NKAIN2: variants seen among roughly 807,000 people sequenced by gnomAD.
The protein encoded by NKAIN2 is sodium/potassium transporting ATPase interacting 2.
NKAIN2 carries 14 observed loss-of-function variants against 32.6 expected under a neutral mutation model. That is an observed-to-expected ratio of 0.43 (90% CI 0.28 to 0.67). The LOEUF (loss-of-function observed/expected upper bound fraction) is 0.67. NKAIN2 is among the 30% of genes least tolerant of loss of function. The pLI is 0.17. For synonymous variants in NKAIN2, 80 were observed against 87.2 expected (o/e 0.92, Z 0.46); for missense variants, 198 against 258.3 (o/e 0.77, Z 1.60).
At chr6:124,056,825 G>T (rs1223464474) in intron 1 of NKAIN2, among the ~76,000 whole-genome samples, 1 of 151,988 alleles carries the variant, frequency 6.6e-6, no homozygotes, top group Non-Finnish European at 1.5e-5. Context: ...TCTTCATGGA[G>T]CCAGCTTATT....
At chr6:124,712,677 C>T (rs28378816) in intron 4 of NKAIN2, among the ~76,000 whole-genome samples, 2 of 151,816 alleles carry the variant, frequency 1.3e-5, no homozygotes, top group Middle Eastern at 3.4e-3. Context: ...TGCTTCGGCT[C>T]GTGCACGGTG....
intron 4 of NKAIN2, among the ~76,000 whole-genome samples, chr6:124,697,851 T>G (rs1452182446): frequency 6.6e-6 from 1 of 152,150 alleles, no homozygotes; most frequent in Non-Finnish European, 1.5e-5. Context: ...CTCCTATATC[T>G]TACACACTGG....
chr6:124,019,475 G>A (rs1039041137), intron 1 of NKAIN2, among the ~76,000 whole-genome samples: 1 of 152,034 alleles, frequency 6.6e-6, no homozygotes, highest in African/African-American at 2.4e-5. Flanking sequence ...CTTGCTTTAA[G>A]GGTCTTTGAT....
chr6:124,037,877 A>C (rs574424118), intron 1 of NKAIN2, among the ~76,000 whole-genome samples: 1 of 152,290 alleles, frequency 6.6e-6, no homozygotes, highest in South Asian at 2.1e-4. Flanking sequence ...TAGTATAAGA[A>C]ATGGAAGTAC....
chr6:124,372,888 A>G (rs1470216208), intron 3 of NKAIN2, among the ~76,000 whole-genome samples: 1 of 152,200 alleles, frequency 6.6e-6, no homozygotes, highest in Non-Finnish European at 1.5e-5. Flanking sequence ...AAGCAATGTA[A>G]AATAACTCGT....
intron 1 of NKAIN2, among the ~76,000 whole-genome samples, chr6:124,260,092 A>G (rs990191557): frequency 6.6e-6 from 1 of 152,224 alleles, no homozygotes; most frequent in Non-Finnish European, 1.5e-5. Context: ...AGTGCCTTCC[A>G]TTATAACAAT....
chr6:124,430,719 T>C (rs899210038), intron 3 of NKAIN2, among the ~76,000 whole-genome samples: 1 of 152,094 alleles, frequency 6.6e-6, no homozygotes, highest in East Asian at 1.9e-4. Flanking sequence ...TCAGTAATCA[T>C]GCAGTATTAT....
intron 1 of NKAIN2, among the ~76,000 whole-genome samples, chr6:124,082,971 T>C (rs141285420): frequency 1.3e-5 from 2 of 152,138 alleles, no homozygotes; most frequent in African/African-American, 4.8e-5. Context: ...ATGCCTTTCA[T>C]ACGTAACAAC....
At chr6:124,060,356 T>G (rs1288844269) in intron 1 of NKAIN2, among the ~76,000 whole-genome samples, 1 of 152,158 alleles carries the variant, frequency 6.6e-6, no homozygotes, top group African/African-American at 2.4e-5. Flanking sequence ...AACAATTGAT[T>G]GCAGAGCCTG....
At chr6:124,035,455 T>C (rs1781569915) in intron 1 of NKAIN2, among the ~76,000 whole-genome samples, 1 of 152,120 alleles carries the variant, frequency 6.6e-6, no homozygotes, top group South Asian at 2.1e-4. Flanking sequence ...TTCAGGACCC[T>C]GCATTAGTTT....
chr6:124,383,994 C>G (rs1772769731), intron 3 of NKAIN2, among the ~76,000 whole-genome samples: 1 of 152,124 alleles, frequency 6.6e-6, no homozygotes, highest in Non-Finnish European at 1.5e-5. Context: ...GAGTTGATAT[C>G]AGAGGAGTAC....
intron 1 of NKAIN2, among the ~76,000 whole-genome samples, chr6:124,097,360 G>A (rs1285465397): frequency 2.0e-5 from 3 of 148,576 alleles, no homozygotes; most frequent in Non-Finnish European, 3.0e-5. Flanking sequence ...CCGACATCGC[G>A]CCACTGCACT....
intron 3 of NKAIN2, among the ~76,000 whole-genome samples, chr6:124,459,719 G>A (rs1167105884): frequency 1.3e-5 from 2 of 151,380 alleles, no homozygotes; most frequent in Non-Finnish European, 3.0e-5. Context: ...TCTTTCTGTT[G>A]GTATAATATA....
At chr6:124,412,258 T>G (rs1024144209) in intron 3 of NKAIN2, among the ~76,000 whole-genome samples, 6 of 152,150 alleles carry the variant, frequency 3.9e-5, no homozygotes, top group South Asian at 2.1e-4. Flanking sequence ...TGCTGTGAAT[T>G]TTAGAGTTTC....
chr6:124,201,115 C>T (rs1790568693), intron 1 of NKAIN2, among the ~76,000 whole-genome samples: 1 of 151,970 alleles, frequency 6.6e-6, no homozygotes, highest in Non-Finnish European at 1.5e-5. Context: ...AAGCTGTAAA[C>T]ATAAAACAAA....
intron 1 of NKAIN2, among the ~76,000 whole-genome samples, chr6:123,841,127 T>C (rs1265898210): frequency 1.3e-5 from 2 of 152,152 alleles, no homozygotes; most frequent in African/African-American, 2.4e-5. Context: ...TTGCCTAGTC[T>C]AGAAAGTGTG....
intron 3 of NKAIN2, among the ~76,000 whole-genome samples, chr6:124,446,086 C>T (rs1414624840): frequency 6.6e-6 from 1 of 152,072 alleles, no homozygotes; most frequent in Non-Finnish European, 1.5e-5. Flanking sequence ...TCTTACTCTG[C>T]CAGGAGTCCT....
intron 1 of NKAIN2, among the ~76,000 whole-genome samples, chr6:124,138,857 A>C (rs1786978077): frequency 6.6e-6 from 1 of 150,810 alleles, no homozygotes. Context: ...TTCTCATTTT[A>C]AGTGGGAGCT....
intron 3 of NKAIN2, among the ~76,000 whole-genome samples, chr6:124,559,834 A>ATTTTTTTTTT (rs55701016): frequency 1.4e-5 from 1 of 73,762 alleles, no homozygotes; most frequent in Non-Finnish European, 2.3e-5. Context: ...GAAATAAACC[A>ATTTTTTTTTT]TTTTTTTTTT....
Sources: allele counts gnomAD v4.1 joint callset (sites outside exome capture counted in the v4.1 genomes callset), GRCh38; gene constraint gnomAD v4.1.1; transcripts MANE v1.5; gene names NCBI Gene and HGNC (gene_info 2026-07-23, HGNC 2026-07-21).